The following SLC35E3 variants were observed in gnomAD, a reference collection of about 807,000 sequenced individuals.
SLC35E3 encodes the protein bladder cancer-overexpressed gene 1 protein.
In SLC35E3, 28 loss-of-function variants were observed where a neutral mutation model predicts 30.8. That is an observed-to-expected ratio of 0.91 (90% CI 0.67 to 1.25). The LOEUF (loss-of-function observed/expected upper bound fraction) is 1.25, where lower values mean the gene tolerates loss of function less well. SLC35E3 is among the 50% of genes most tolerant of loss of function. SLC35E3 has a pLI of 0.00. For missense variants in SLC35E3, 365 were observed against 375.4 expected, an observed-to-expected ratio of 0.97 and a Z score of 0.23; for synonymous variants, 146 against 149.2, an observed-to-expected ratio of 0.98 and a Z score of 0.16.
intron 2 of SLC35E3, among the ~76,000 whole-genome samples, chr12:68,751,027 G>C (rs1592534791): frequency 6.6e-6 from 1 of 152,084 alleles, no homozygotes; most frequent in Non-Finnish European, 1.5e-5. Context: ...TTTTGTGGAC[G>C]AATGGGATTT....
chr12:68,760,712 A>C (rs563175578), intron 4 of SLC35E3, among the ~76,000 whole-genome samples: 1 of 152,346 alleles, frequency 6.6e-6, no homozygotes, highest in South Asian at 2.1e-4. Context: ...TCATTGATAT[A>C]AAAATATTTA....
chr12:68,753,554 C>A (rs1878884878), intron 3 of SLC35E3, among the ~76,000 whole-genome samples: 1 of 152,004 alleles, frequency 6.6e-6, no homozygotes, highest in Non-Finnish European at 1.5e-5. Flanking sequence ...TGGTGAGGAT[C>A]ATTTCATGGA....
rs1213586498 is a variant in SLC35E3, at chr12:68,746,651, A to G, written c.274A>G (p.Asn92Asp). ...CTTCTGTGGCTTTGTGGTCTTCACT[A>G]ACCTTTCTCTGCAGAACAACACCAT... ...LSFCGFVVFT[N>D]LSLQNNTIGT... The change falls in exon 1 of 5, where the codon AAC (asparagine) becomes GAC (aspartate). Residue 92 changes from asparagine (N) to aspartate (D), a missense_variant. Physicochemically the swap from Asn to Asp is conservative, Grantham distance 23. Coordinates refer to ENST00000398004, the MANE Select transcript of SLC35E3 (RefSeq NM_018656.5). 1 of 1,614,212 alleles carries G rather than the reference A, an allele frequency of 6.2e-7. No homozygotes were observed. Among genetic ancestry groups the G allele is most frequent in the Non-Finnish European group, 8.5e-7 (1 of 1,180,032 alleles).
Position 68,752,077 on chromosome 12 carries a change from C to T in SLC35E3, c.559C>T (p.Leu187=), listed in dbSNP as rs766090755. 6.2e-6 allele frequency: 10 copies of T among 1,612,462 alleles called. No individual in the cohort carries two copies. In the South Asian group the frequency reaches 1.1e-4, roughly 18 times the overall value. The change falls in exon 3 of 5, where the codon CTG becomes TTG. Residue 187 remains leucine (L), a synonymous_variant. Transcript: ENST00000398004. ...TGAATTACAAGTGAACTCAATGCAG[C>T]TGCTGTACTACCAGGCTCCGATGTC... ...QHELQVNSMQ[L]LYYQAPMSSA...
rs1022643783 is a variant in SLC35E3, at chr12:68,777,041, A to T, written c.*12151A>T. The T allele has an allele frequency of 1.3e-5, 2 of 152,218 alleles. No homozygotes were observed. The highest frequency in any genetic ancestry group is 4.8e-5 in the African/African-American group (2 of 41,454). The allele number at this position is 152,218 out of a possible 1,614,324, so 9.4% of individuals were successfully genotyped here. ...TTCAATTTGATTCAGCAGATCAAGA[A>T]AGCACTATCACCAATGGTCGCAAGG... is the stretch of plus-strand genomic sequence containing the variant. On this transcript the variant is annotated 3_prime_UTR_variant, in exon 5 of 5. Coordinates refer to ENST00000398004, the MANE Select transcript of SLC35E3 (RefSeq NM_018656.5).
In SLC35E3 at chr12:68,767,503, T is replaced by C. The variant is rs1010709852; in HGVS notation, c.*2613T>C. ...CTGCACTTCAGCCTGGGCGACAGAC[T>C]GGACTCTGTCTCGGGAAAAAAAAAA... On this transcript the variant is annotated 3_prime_UTR_variant, in exon 5 of 5. Coordinates refer to ENST00000398004, the MANE Select transcript of SLC35E3 (RefSeq NM_018656.5). 3.2e-5 allele frequency: 4 copies of C among 125,442 alleles called. No homozygotes were observed. In the Admixed American group the frequency reaches 4.0e-4, roughly 12 times the overall value. 7.8% of individuals were successfully genotyped at this position (125,442 alleles called of 1,614,324 possible).
chr12:68,750,124 T>A (rs566297854), intron 2 of SLC35E3, among the ~76,000 whole-genome samples: 36 of 152,042 alleles, frequency 2.4e-4, no homozygotes, highest in South Asian at 6.2e-4. Context: ...TTGGGGAACA[T>A]AGGAGAACCT....
chr12:68,765,431 G>A lies in SLC35E3; in HGVS notation c.*541G>A, dbSNP rs543388420. The A allele has an allele frequency of 5.3e-5, 8 of 151,586 alleles. No homozygotes were observed. Among genetic ancestry groups the A allele is most frequent in the African/African-American group, 1.9e-4 (8 of 41,256 alleles). 9.4% of individuals were successfully genotyped at this position (151,586 alleles called of 1,614,324 possible). On this transcript the variant is annotated 3_prime_UTR_variant, in exon 5 of 5. Transcript: ENST00000398004. ...TTAAAAATGATTGTATAAAATGTAT[G>A]GAATGGTTAGCCTGGTGTGGTGGTG...
chr12:68,756,094 A>G (rs1175288023), intron 3 of SLC35E3, among the ~76,000 whole-genome samples: 1 of 152,070 alleles, frequency 6.6e-6, no homozygotes, highest in Non-Finnish European at 1.5e-5. Flanking sequence ...TTTCAAATTT[A>G]TATATTTTAC....
chr12:68,755,214 A>T (rs1010389700), intron 3 of SLC35E3, among the ~76,000 whole-genome samples: 1 of 152,172 alleles, frequency 6.6e-6, no homozygotes, highest in Non-Finnish European at 1.5e-5. Flanking sequence ...CCCACCTCCC[A>T]ATACCATCAC....
At chr12:68,761,559 C>T (rs1369790195) in intron 4 of SLC35E3, among the ~76,000 whole-genome samples, 1 of 152,136 alleles carries the variant, frequency 6.6e-6, no homozygotes, top group African/African-American at 2.4e-5. Context: ...GGCTCTACCA[C>T]CAGATGCCAG....
chr12:68,748,783 C>G (rs925777992), intron 2 of SLC35E3, among the ~76,000 whole-genome samples: 1 of 152,054 alleles, frequency 6.6e-6, no homozygotes, highest in South Asian at 2.1e-4. Flanking sequence ...TCTGGGTGTG[C>G]CTGCATGGGG....
At chr12:68,752,324 G>T in intron 3 of SLC35E3, 134 bp downstream of exon 3, 1 of 936,814 alleles carries the variant, frequency 1.1e-6, no homozygotes. Context: ...ATAAAAGGAG[G>T]TAAGGTAAGG....
At chr12:68,758,631 C>T (rs530598524) in intron 3 of SLC35E3, among the ~76,000 whole-genome samples, 2 of 148,490 alleles carry the variant, frequency 1.3e-5, no homozygotes, top group Non-Finnish European at 3.0e-5. Context: ...CAGTATTTTT[C>T]GTTGATTCTT....
intron 4 of SLC35E3, among the ~76,000 whole-genome samples, chr12:68,762,501 T>G (rs1251523959): frequency 1.3e-5 from 2 of 152,076 alleles, no homozygotes; most frequent in Admixed American, 6.6e-5. Flanking sequence ...GCACTGGGTT[T>G]GACCAGAACA....
intron 4 of SLC35E3, 59 bp from the exon 5 acceptor site, chr12:68,764,645 G>T (rs1224303355): frequency 6.5e-7 from 1 of 1,526,944 alleles, no homozygotes; most frequent in Non-Finnish European, 9.0e-7. Flanking sequence ...GTGCGAGTGT[G>T]TGTGTAAATA....
rs1592535550 is a variant in SLC35E3 at position 68,752,023 on chromosome 12, A to C, written c.514-9A>C. ...TTGTGCCAGACATGTTTTATCTCCT[A>C]ATTTTCAGTGGGTAGGAGCCAAACA... is the stretch of plus-strand genomic sequence containing the variant. On this transcript the variant is annotated splice_polypyrimidine_tract_variant and intron_variant, in intron 2 of 4. Coordinates refer to ENST00000398004, the MANE Select transcript of SLC35E3 (RefSeq NM_018656.5). 2 of 1,567,150 alleles carry C rather than the reference A, an allele frequency of 1.3e-6. No homozygotes were observed. The highest frequency in any genetic ancestry group is 1.7e-6 in the Non-Finnish European group (2 of 1,161,542).
In SLC35E3 at chr12:68,752,169, T is replaced by TC; in HGVS notation, c.654dup (p.Trp219LeufsTer36). The TC allele has an allele frequency of 6.2e-7, 1 of 1,611,808 alleles. No homozygotes were observed. Among genetic ancestry groups the TC allele is most frequent in the Non-Finnish European group, 8.5e-7 (1 of 1,179,436 alleles). ...TGTTTGGAGAAGGAGGAATATTTGG[T>TC]CCCTGGTCAGTTTCTGCTTTGGTAA... On this transcript the variant is annotated frameshift_variant, in exon 3 of 5. Transcript: ENST00000398004. LOFTEE classifies it high-confidence loss of function.
At position 68,767,516 on chromosome 12, in the gene SLC35E3, G is replaced by A. The variant is rs1235576501; in HGVS notation, c.*2626G>A. ...TGGGCGACAGACTGGACTCTGTCTC[G>A]GGAAAAAAAAAAAAAAAAAAAGGGA... On this transcript the variant is annotated 3_prime_UTR_variant, in exon 5 of 5. Transcript: ENST00000398004. The A allele has an allele frequency of 3.0e-5, 3 of 98,810 alleles. No individual in the cohort carries two copies. The highest frequency in any genetic ancestry group is 6.4e-5 in the African/African-American group (2 of 31,292). The allele number at this position is 98,810 out of a possible 1,614,324, so 6.1% of individuals were successfully genotyped here. A position where few individuals can be genotyped will look rare whatever the true frequency, so the allele number is the denominator to read the frequency against.
Sources: allele counts gnomAD v4.1 joint callset (sites outside exome capture counted in the v4.1 genomes callset), GRCh38; gene constraint gnomAD v4.1.1; transcripts MANE v1.5; gene names NCBI Gene and HGNC (gene_info 2026-07-23, HGNC 2026-07-21).